RBAK: variants seen among roughly 807,000 people sequenced by gnomAD.
The protein encoded by RBAK is RB-associated KRAB zinc finger protein.
RBAK carries 39 observed loss-of-function variants against 65.8 expected under a neutral mutation model. The ratio of observed to expected loss-of-function variants is 0.59; its 90% CI spans 0.46 to 0.77. The LOEUF is 0.77. Ranked by LOEUF, RBAK falls within the 30% of genes least tolerant of loss-of-function variation. The pLI is 0.00. For synonymous variants in RBAK, 343 were observed against 289.7 expected, an observed-to-expected ratio of 1.18 and a Z score of -1.87; for missense variants, 884 against 855.1, an observed-to-expected ratio of 1.03 and a Z score of -0.42.
In RBAK at chr7:5,063,829, A is replaced by T. The variant is rs1488534516; in HGVS notation, c.373A>T (p.Thr125Ser). Residue 125 changes from threonine (T) to serine (S), a missense_variant, in exon 5 of 5, where the codon ACA (threonine) becomes TCA (serine). Coordinates refer to ENST00000396912, the MANE Select transcript of RBAK (RefSeq NM_021163.4). ...ENTFSQIYMETSLVPSSIIAH... is the reference protein window; with the variant it reads ...ENTFSQIYMESSLVPSSIIAH... ...TACATTTAGTCAAATTTACATGGAA[A>T]CAAGCCTTGTTCCTTCAAGCATAAT... is the stretch of plus-strand genomic sequence containing the variant. The T allele has an allele frequency of 6.2e-7, 1 of 1,614,080 alleles. No individual in the cohort carries two copies. Among genetic ancestry groups the T allele is most frequent in the Non-Finnish European group, 8.5e-7 (1 of 1,179,974 alleles).
Position 5,063,911 on chromosome 7 carries a change from G to T in RBAK, c.455G>T (p.Ser152Ile), listed in dbSNP as rs773405885. 1.1e-5 allele frequency: 17 copies of T among 1,613,842 alleles called. No individual in the cohort carries two copies. The African/African-American group carries it at 1.1e-4, about 10-fold the overall frequency. The change falls in exon 5 of 5, where the codon AGT (serine) becomes ATT (isoleucine). Residue 152 changes from serine to isoleucine, a missense_variant. Ser to Ile is a moderately radical substitution (Grantham distance 142). Transcript: ENST00000396912. ...TTAGAATCTATTTCGCAATTAATTA[G>T]TAGTGATGGAAGCTATGCTAGGACA... ...KNLESISQLI[S>I]SDGSYARTKP...
Position 5,064,005 on chromosome 7 carries a change from T to A in RBAK, c.549T>A (p.Asn183Lys). The A allele has an allele frequency of 6.2e-7, 1 of 1,613,764 alleles. No individual in the cohort carries two copies. Among genetic ancestry groups the A allele is most frequent in the Non-Finnish European group, 8.5e-7 (1 of 1,179,912 alleles). Residue 183 changes from asparagine (N) to lysine (K), a missense_variant, in exon 5 of 5, where the codon AAT (asparagine) becomes AAA (lysine). Asn to Lys is a moderately conservative substitution (Grantham distance 94). Transcript: ENST00000396912. The surrounding 1 kb of genome is among the most constrained non-coding windows in gnomAD (Gnocchi z 6.3). ...AGAAAATGTGTGAATTTAATCAAAA[T>A]GGGGATACCTATTCTCACAATGAAG... ...HGEKMCEFNQ[N>K]GDTYSHNEEN...
intron 2 of RBAK, among the ~76,000 whole-genome samples, chr7:5,050,653 C>G (rs1158394304): frequency 6.6e-6 from 1 of 152,182 alleles, no homozygotes; most frequent in African/African-American, 2.4e-5. Flanking sequence ...CGGCTCACTG[C>G]AGCCTCAAAC....
At chr7:5,057,590 C>T in intron 3 of RBAK, 94 bp from the exon 4 acceptor site, 1 of 1,591,914 alleles carries the variant, frequency 6.3e-7, no homozygotes, top group African/African-American at 1.3e-5. Context: ...TGGAGCACTT[C>T]TGTTATGCAG....
Position 5,057,306 on chromosome 7 carries a change from A to G in RBAK, c.27A>G (p.Ser9=), listed in dbSNP as rs146143368. MNTLQGPV[S]FKDVAVDFTQ... ...TGTTGCCATTACAGGGGCCAGTGTC[A>G]TTCAAAGATGTGGCTGTGGATTTCA... Residue 9 remains serine (S), a synonymous_variant, in exon 3 of 5, where the codon TCA becomes TCG. Transcript: ENST00000396912. 186 of 1,613,838 alleles carry G rather than the reference A, an allele frequency of 1.2e-4. 1 individual carries two copies. The Middle Eastern group carries it at 2.6e-3, about 23-fold the overall frequency.
rs1562531179 is a variant in RBAK at position 5,046,359 on chromosome 7, C to T, written c.-82C>T. ...CGACAGCAGCCCCGCCCCGGCCTCT[C>T]GGGAGCCGTGGGGCAGAGGCTGCGG... is the stretch of plus-strand genomic sequence containing the variant. On this transcript the variant is annotated 5_prime_UTR_variant, in exon 1 of 5. Coordinates refer to ENST00000396912, the MANE Select transcript of RBAK (RefSeq NM_021163.4). The T allele has an allele frequency of 5.8e-6, 3 of 515,748 alleles. No individual in the cohort carries two copies. Among genetic ancestry groups the T allele is most frequent in the South Asian group, 1.4e-5 (1 of 71,332 alleles). 31.9% of individuals were successfully genotyped at this position (515,748 alleles called of 1,614,324 possible). A position where few individuals can be genotyped will look rare whatever the true frequency, so the allele number is the denominator to read the frequency against.
intron 2 of RBAK, among the ~76,000 whole-genome samples, chr7:5,052,075 A>G (rs1435685771): frequency 5.9e-5 from 9 of 152,346 alleles, no homozygotes; most frequent in South Asian, 4.1e-4. Flanking sequence ...TAAATGTTCA[A>G]GGTTATTACA....
At position 5,062,549 on chromosome 7, in the gene RBAK, T is replaced by G. The variant is rs533931931; in HGVS notation, c.239-1146T>G. On this transcript the variant is annotated intron_variant, in intron 4 of 4. Transcript: ENST00000396912. ...CACAGGACCGGGGCAAAATTAAAAT[T>G]GCTAATGAAGTTTCAGGCACCATTG... Among the ~76,000 whole-genome samples, 3 of 152,276 alleles carry G rather than the reference T, an allele frequency of 2.0e-5. No individual in the cohort carries two copies. In the South Asian group the frequency reaches 6.2e-4, roughly 32 times the overall value.
At chr7:5,055,871 C>T (rs548704617) in intron 2 of RBAK, among the ~76,000 whole-genome samples, 5 of 152,132 alleles carry the variant, frequency 3.3e-5, no homozygotes, top group East Asian at 1.9e-4. Flanking sequence ...CACAGCCTAG[C>T]GGCCCTGCCT....
At position 5,065,296 on chromosome 7, in the gene RBAK, C is replaced by T. The variant is rs866491795; in HGVS notation, c.1840C>T (p.His614Tyr). Residue 614 changes from histidine (H) to tyrosine (Y), a missense_variant, in exon 5 of 5, where the codon CAT (histidine) becomes TAT (tyrosine). His to Tyr is a moderately conservative substitution (Grantham distance 83). Transcript: ENST00000396912. The surrounding 1 kb of genome is among the most constrained non-coding windows in gnomAD (Gnocchi z 5.3). ...TCAGAAATCATATCTCACTATACAT[C>T]ATCGAATTCATTCAGGAGAGAAACC... ...FSQKSYLTIH[H>Y]RIHSGEKPYE... The T allele has an allele frequency of 1.9e-6, 3 of 1,613,946 alleles. No homozygotes were observed. In the Admixed American group the frequency reaches 5.0e-5, roughly 27 times the overall value.
intron 2 of RBAK, among the ~76,000 whole-genome samples, chr7:5,053,853 A>G (rs1197175823): frequency 3.3e-5 from 5 of 152,220 alleles, no homozygotes; most frequent in African/African-American, 7.2e-5. Context: ...GAATAGAATG[A>G]TGAACTCTCT....
At chr7:5,050,668 G>T (rs1454085801) in intron 2 of RBAK, among the ~76,000 whole-genome samples, 1 of 152,092 alleles carries the variant, frequency 6.6e-6, no homozygotes, top group East Asian at 1.9e-4. Flanking sequence ...TCAAACTCCT[G>T]TGCTCAAGTG....
intron 4 of RBAK, among the ~76,000 whole-genome samples, chr7:5,059,434 C>T (rs1779014455): frequency 6.6e-6 from 1 of 152,090 alleles, no homozygotes; most frequent in Admixed American, 6.6e-5. Context: ...GATTCCCCTG[C>T]CTCAGCCTCC....
chr7:5,060,510 A>G (rs2115039988), intron 4 of RBAK, among the ~76,000 whole-genome samples: 1 of 152,384 alleles, frequency 6.6e-6, no homozygotes. Context: ...ACATTGTGCA[A>G]CTTTAAGAAG....
chr7:5,057,813 C>T (rs1476496778), intron 4 of RBAK, 34 bp downstream of exon 4: 10 of 1,611,952 alleles, frequency 6.2e-6, no homozygotes, highest in Non-Finnish European at 7.6e-6. Context: ...TTAAAAAATG[C>T]TCATCCCAGA....
rs1788045941 is a variant in RBAK at position 5,048,546 on chromosome 7, GCA to G, written c.15+457_15+458del. On this transcript the variant is annotated intron_variant, in intron 2 of 4. Transcript: ENST00000396912. This position sits in a 1 kb window ranked among gnomAD's most constrained non-coding sequence, Gnocchi z 4.4. ...AAAATATAGTTAGTGTGGCAGATCA[GCA>G]CCAAAAATGATTTGTGAAGCTTGTA... 6.6e-6 allele frequency among the ~76,000 whole-genome samples: 1 copy of G among 152,206 alleles called. No homozygotes were observed.
intron 2 of RBAK, 53 bp from the exon 3 acceptor site, chr7:5,057,242 A>G (rs1778946126): frequency 6.2e-7 from 1 of 1,612,150 alleles, no homozygotes; most frequent in Admixed American, 1.7e-5. Flanking sequence ...GTAAAACGTT[A>G]TCCCCCTATC....
At chr7:5,062,102 G>T (rs1779089694) in intron 4 of RBAK, among the ~76,000 whole-genome samples, 1 of 152,166 alleles carries the variant, frequency 6.6e-6, no homozygotes, top group Non-Finnish European at 1.5e-5. Context: ...GTCTTGATAT[G>T]AAGTGATATC....
intron 1 of RBAK, among the ~76,000 whole-genome samples, chr7:5,046,686 C>A (rs909020120): frequency 7.2e-5 from 11 of 152,202 alleles, no homozygotes; most frequent in Non-Finnish European, 1.5e-4. Context: ...CTCCAGATTT[C>A]GACCTCCTCT....
Sources: allele counts gnomAD v4.1 joint callset (sites outside exome capture counted in the v4.1 genomes callset), GRCh38; gene constraint gnomAD v4.1.1; non-coding constraint Gnocchi (gnomAD v3.1); transcripts MANE v1.5; gene names NCBI Gene and HGNC (gene_info 2026-07-23, HGNC 2026-07-21).